Variants in CEP120 observed in about 807,000 individuals in gnomAD.
CEP120 encodes the protein centrosomal protein of 120 kDa.
A neutral mutation model predicts 126.5 loss-of-function variants in CEP120; 113 were observed. That is an observed-to-expected ratio of 0.89 (90% CI 0.77 to 1.04). CEP120 has a LOEUF of 1.04. CEP120 is among the 50% of genes least tolerant of loss of function. The pLI is 0.00. For missense variants in CEP120, 1,230 were observed against 1,155.7 expected, an observed-to-expected ratio of 1.06 and a Z score of -0.93; for synonymous variants, 400 against 394.3, an observed-to-expected ratio of 1.01 and a Z score of -0.17.
At chr5:123,384,164 G>A (rs906053765) in intron 11 of CEP120, among the ~76,000 whole-genome samples, 2 of 151,820 alleles carry the variant, frequency 1.3e-5, no homozygotes, top group South Asian at 2.1e-4. Flanking sequence ...TTCTACTTAC[G>A]ACAAAAAAAT....
At chr5:123,422,264 T>G (rs1360317332) in intron 1 of CEP120, among the ~76,000 whole-genome samples, 3 of 152,186 alleles carry the variant, frequency 2.0e-5, no homozygotes, top group Non-Finnish European at 2.9e-5. Flanking sequence ...TGCCACCTCC[T>G]CTAGTGAAAC....
intron 9 of CEP120, 133 bp downstream of exon 9, chr5:123,388,299 C>T (rs1772158153): frequency 3.7e-6 from 2 of 537,062 alleles, no homozygotes; most frequent in Non-Finnish European, 6.2e-6. Context: ...AGGATATAGC[C>T]TTACCCCCTT....
At chr5:123,354,489 G>A (rs534795348) in intron 18 of CEP120, among the ~76,000 whole-genome samples, 2 of 151,904 alleles carry the variant, frequency 1.3e-5, no homozygotes, top group African/African-American at 4.8e-5. Context: ...GGAGAGTTAT[G>A]GTAAAATCTT....
rs749843064 is a variant in CEP120 at position 123,418,525 on chromosome 5, C to A, written c.50-10G>T. On this transcript the variant is annotated splice_polypyrimidine_tract_variant and intron_variant, in intron 1 of 19. Coordinates refer to ENST00000306467, the MANE Select transcript of CEP120 (RefSeq NM_001375405.1). ...TTGGGGAAATGCCGACCTGGAGAAA[C>A]AGAATATATAGATTAATCAAAAGTG... 2 of 1,580,862 alleles carry A rather than the reference C, an allele frequency of 1.3e-6. No homozygotes were observed. The highest frequency in any genetic ancestry group is 1.7e-6 in the Non-Finnish European group (2 of 1,159,280).
intron 4 of CEP120, among the ~76,000 whole-genome samples, chr5:123,404,683 T>A (rs1387790315): frequency 2.0e-5 from 3 of 152,212 alleles, no homozygotes; most frequent in African/African-American, 7.2e-5. Context: ...GAATTAAACT[T>A]TTAGGACAAC....
In CEP120 at chr5:123,359,976, T is replaced by G. The variant is rs530867746; in HGVS notation, c.2580+4520A>C. ...TTTATTAACAATCTAAGATATGGCT[T>G]TCACCATCTAATCCGTACTACACAA... is the stretch of plus-strand genomic sequence containing the variant. On this transcript the variant is annotated intron_variant, in intron 18 of 19. Coordinates refer to ENST00000306467, the MANE Select transcript of CEP120 (RefSeq NM_001375405.1). 2.7e-3 allele frequency among the ~76,000 whole-genome samples: 403 copies of G among 152,070 alleles called. 3 individuals carry two copies. Among genetic ancestry groups the G allele is most frequent in the African/African-American group, 9.4e-3 (389 of 41,550 alleles).
intron 2 of CEP120, 56 bp from the exon 3 acceptor site, chr5:123,416,180 G>T (rs1774379881): frequency 2.1e-6 from 2 of 972,726 alleles, no homozygotes; most frequent in Non-Finnish European, 3.2e-6. Context: ...CTTTCTATTG[G>T]CCTTGAAAAT....
chr5:123,350,087 C>T lies in CEP120; in HGVS notation c.2583G>A (p.Arg861=). Residue 861 remains arginine (R), a splice_region_variant and synonymous_variant, in exon 19 of 20, where the codon AGG becomes AGA. Transcript: ENST00000306467. ...ALKELARLKQ[R]EQESQMARLK... Reference sequence around the variant, plus strand: ...GACGAGCCATTTGACTTTCTTGCTCCCTCTTGAAAGAAACAAAGAAACAAG... The same window carrying T: ...GACGAGCCATTTGACTTTCTTGCTCTCTCTTGAAAGAAACAAAGAAACAAG... 6.2e-7 allele frequency: 1 copy of T among 1,607,094 alleles called. No homozygotes were observed. The highest frequency in any genetic ancestry group is 8.5e-7 in the Non-Finnish European group (1 of 1,177,810).
intron 5 of CEP120, among the ~76,000 whole-genome samples, chr5:123,396,936 G>C (rs554265359): frequency 6.6e-6 from 1 of 152,274 alleles, no homozygotes; most frequent in South Asian, 2.1e-4. Flanking sequence ...AGAGTGGGTG[G>C]CACAATGTCT....
intron 4 of CEP120, chr5:123,403,199 C>T (rs1773387058): frequency 1.1e-5 from 5 of 440,750 alleles, no homozygotes; most frequent in South Asian, 6.5e-5. Flanking sequence ...AGTGACACCT[C>T]GATATCAGCT....
intron 8 of CEP120, 127 bp downstream of exon 8, chr5:123,389,797 G>T: frequency 2.5e-6 from 2 of 797,542 alleles, no homozygotes; most frequent in Non-Finnish European, 4.0e-6. Flanking sequence ...ACCGTGCCCA[G>T]CCTTATTGGT....
rs780961044 is a variant in CEP120, at chr5:123,389,989, T to G, written c.1190A>C (p.Asp397Ala). 3 of 1,614,190 alleles carry G rather than the reference T, an allele frequency of 1.9e-6. No homozygotes were observed. The Admixed American group carries it at 5.0e-5, about 27-fold the overall frequency. Residue 397 changes from aspartate (D) to alanine (A), a missense_variant, in exon 8 of 20, where the codon GAT (aspartate) becomes GCT (alanine). Asp to Ala is a moderately radical substitution (Grantham distance 126). Coordinates refer to ENST00000306467, the MANE Select transcript of CEP120 (RefSeq NM_001375405.1). ...PSHNQSPPTK[D>A]DATESEVESL... The stretch of plus-strand genomic sequence containing the variant: ...TTCCACTTCACTTTCTGTTGCATCA[T>G]CTTTTGTTGGAGGTGACTGGTTGTG...
chr5:123,414,160 C>T (rs1461294708), intron 3 of CEP120, among the ~76,000 whole-genome samples: 1 of 152,156 alleles, frequency 6.6e-6, no homozygotes, highest in Non-Finnish European at 1.5e-5. Flanking sequence ...CAGATACCCC[C>T]CTAAGAGGAT....
At chr5:123,420,762 A>C (rs1157706566) in intron 1 of CEP120, among the ~76,000 whole-genome samples, 1 of 152,238 alleles carries the variant, frequency 6.6e-6, no homozygotes, top group Non-Finnish European at 1.5e-5. Flanking sequence ...GTGGATAATG[A>C]GGGCCCCTTA....
At chr5:123,397,832 C>T (rs146394889) in intron 5 of CEP120, among the ~76,000 whole-genome samples, 87 of 152,296 alleles carry the variant, frequency 5.7e-4, no homozygotes, top group African/African-American at 1.9e-3. Flanking sequence ...ACCTGTAATC[C>T]CAGCACCTTG....
rs1295800185 is a variant in CEP120, at chr5:123,372,686, A to T, written c.2445T>A (p.Arg815=). 1 of 1,612,078 alleles carries T rather than the reference A, an allele frequency of 6.2e-7. No homozygotes were observed. The highest frequency in any genetic ancestry group is 2.2e-5 in the East Asian group (1 of 44,742). The change falls in exon 17 of 20, where the codon CGT becomes CGA. Residue 815 remains arginine, a synonymous_variant. Transcript: ENST00000306467. ...TGAGAAGATTTATTTCAGACTGTAG[A>T]CGGATTTCTGGTTTGTTGTTTTGCT... ...KDQQNNKPEI[R]LQSEINLLTL... is the part of the protein sequence containing the mutation.
intron 16 of CEP120, among the ~76,000 whole-genome samples, chr5:123,374,032 A>G (rs146453418): frequency 3.9e-5 from 6 of 152,244 alleles, no homozygotes; most frequent in Middle Eastern, 3.4e-3. Context: ...CTGCCAAAAA[A>G]AGACTGAGCA....
At chr5:123,380,804 C>T (rs1401156574) in intron 14 of CEP120, among the ~76,000 whole-genome samples, 2 of 152,000 alleles carry the variant, frequency 1.3e-5, no homozygotes, top group Non-Finnish European at 2.9e-5. Context: ...CCCCCAGATT[C>T]AATGAATATC....
intron 14 of CEP120, among the ~76,000 whole-genome samples, chr5:123,380,305 T>C (rs1430537603): frequency 6.6e-6 from 1 of 152,040 alleles, no homozygotes; most frequent in Non-Finnish European, 1.5e-5. Context: ...TTAAGACAAA[T>C]GAATTAAAGT....
Sources: gnomAD v4.1 joint callset for allele counts (sites outside exome capture counted in the v4.1 genomes callset) on GRCh38, gnomAD v4.1.1 for gene constraint, MANE v1.5 for transcripts, NCBI Gene and HGNC (gene_info 2026-07-23, HGNC 2026-07-21) for gene names.